The following MACIR variants were observed in gnomAD, a reference collection of about 807,000 sequenced individuals.
MACIR encodes the protein UNC119-binding protein C5orf30.
A neutral mutation model predicts 14.3 loss-of-function variants in MACIR; 4 were observed. That is an observed-to-expected ratio of 0.28 (90% CI 0.14 to 0.64). MACIR has a LOEUF of 0.64. MACIR is among the 30% of genes least tolerant of loss of function. The pLI is 0.83. For synonymous variants in MACIR, 101 were observed against 102.4 expected (o/e 0.99, Z 0.08); for missense variants, 228 against 257.6 (o/e 0.89, Z 0.79).
At chr5:103,273,133 T>C (rs2561476) in intron 2 of MACIR, among the ~76,000 whole-genome samples, 44,970 of 151,980 alleles carry the variant, frequency 0.3, 6,626 homozygotes, top group Non-Finnish European at 0.32. Context: ...ATGCTTATTC[T>C]TTCAACTTTC....
intron 2 of MACIR, among the ~76,000 whole-genome samples, chr5:103,272,363 C>CTTTTT (rs11450687): frequency 7.0e-6 from 1 of 142,866 alleles, no homozygotes; most frequent in Non-Finnish European, 1.5e-5. Flanking sequence ...TCTTTAGTGT[C>CTTTTT]TTTTTTTTTT....
chr5:103,268,784 AG>A (rs1805018713), intron 2 of MACIR, among the ~76,000 whole-genome samples: 1 of 152,034 alleles, frequency 6.6e-6, no homozygotes, highest in Non-Finnish European at 1.5e-5. Context: ...ACTTGGAGCC[AG>A]GGGGCCTGGG....
At chr5:103,265,553 T>C (rs1405480799) in intron 1 of MACIR, among the ~76,000 whole-genome samples, 6 of 152,174 alleles carry the variant, frequency 3.9e-5, no homozygotes, top group African/African-American at 1.4e-4. Flanking sequence ...TTATTTTTTT[T>C]CCATAGAGTA....
chr5:103,268,343 G>A (rs1805001685), intron 2 of MACIR, among the ~76,000 whole-genome samples: 1 of 152,122 alleles, frequency 6.6e-6, no homozygotes, highest in Non-Finnish European at 1.5e-5. Flanking sequence ...GAAGGAGCCC[G>A]ATTCTCATTC....
chr5:103,263,783 G>T (rs1248726374), intron 1 of MACIR, among the ~76,000 whole-genome samples: 1 of 152,118 alleles, frequency 6.6e-6, no homozygotes, highest in Non-Finnish European at 1.5e-5. Flanking sequence ...CTTTGTGATA[G>T]ATGTAGTCTT....
intron 1 of MACIR, among the ~76,000 whole-genome samples, chr5:103,262,545 A>G (rs1804765348): frequency 6.6e-6 from 1 of 152,222 alleles, no homozygotes; most frequent in Non-Finnish European, 1.5e-5. Context: ...GATAATAACT[A>G]TCACCTGAGA....
At chr5:103,274,193 C>T (rs73194349) in intron 2 of MACIR, among the ~76,000 whole-genome samples, 2,934 of 152,086 alleles carry the variant, frequency 0.019, 85 homozygotes, top group African/African-American at 0.068. Context: ...CATTCGACTC[C>T]GAGTAAATAT....
intron 1 of MACIR, among the ~76,000 whole-genome samples, chr5:103,265,307 G>A (rs923531983): frequency 1.3e-5 from 2 of 152,042 alleles, no homozygotes; most frequent in African/African-American, 2.4e-5. Context: ...ACAATGAGTC[G>A]ATACCAAAAA....
intron 1 of MACIR, among the ~76,000 whole-genome samples, chr5:103,260,617 A>T (rs1474694260): frequency 2.6e-5 from 4 of 152,214 alleles, no homozygotes; most frequent in African/African-American, 9.7e-5. Context: ...GTTAGTAATT[A>T]TTTCAGTGTA....
At chr5:103,262,121 T>A (rs1198619428) in intron 1 of MACIR, among the ~76,000 whole-genome samples, 2 of 152,200 alleles carry the variant, frequency 1.3e-5, no homozygotes, top group African/African-American at 4.8e-5. Flanking sequence ...GGGTTCCTAG[T>A]GCCATTCAGG....
At chr5:103,271,785 A>T (rs1489717597) in intron 2 of MACIR, among the ~76,000 whole-genome samples, 4 of 151,888 alleles carry the variant, frequency 2.6e-5, no homozygotes, top group Admixed American at 6.6e-5. Flanking sequence ...TTCTTGTTTC[A>T]TTTTCTGTTT....
At chr5:103,259,062 G>T (rs1170571117) in intron 1 of MACIR, 166 bp downstream of exon 1, 1 of 152,298 alleles carries the variant, frequency 6.6e-6, no homozygotes, top group Non-Finnish European at 1.5e-5. Context: ...TGGGCCGGGC[G>T]CACGATGCCC....
intron 2 of MACIR, among the ~76,000 whole-genome samples, chr5:103,273,393 T>G (rs1385653528): frequency 1.3e-5 from 2 of 152,198 alleles, no homozygotes; most frequent in African/African-American, 4.8e-5. Context: ...ACTTAACTGA[T>G]GAGTTACTTG....
In MACIR at chr5:103,277,555, C is replaced by T. The variant is rs1554237910; in HGVS notation, c.*1015C>T. The T allele has an allele frequency of 1.8e-5, 3 of 167,002 alleles. No homozygotes were observed. The highest frequency in any genetic ancestry group is 6.5e-5 in the Admixed American group (1 of 15,282). The allele number at this position is 167,002 out of a possible 1,614,324, so 10.3% of individuals were successfully genotyped here. A position where few individuals can be genotyped will look rare whatever the true frequency, so the allele number is the denominator to read the frequency against. On this transcript the variant is annotated 3_prime_UTR_variant, in exon 3 of 3. Transcript: ENST00000319933. ...CAGTTTTAGTTCTGTGTAACACAAG[C>T]ACTCACTGAAATTCCAGTTTCTAGG...
At chr5:103,267,622 C>T (rs1804973664) in intron 2 of MACIR, among the ~76,000 whole-genome samples, 1 of 152,132 alleles carries the variant, frequency 6.6e-6, no homozygotes, top group African/African-American at 2.4e-5. Context: ...TATTAAGATT[C>T]CTTTTGATTC....
chr5:103,258,785 C>G lies in MACIR; in HGVS notation c.-225C>G, dbSNP rs553548645. On this transcript the variant is annotated 5_prime_UTR_variant, in exon 1 of 3. Coordinates refer to ENST00000319933, the MANE Select transcript of MACIR (RefSeq NM_033211.4). The stretch of plus-strand genomic sequence containing the variant: ...GAGAGGAGAGGGTACCCGGCTGGCT[C>G]GGCTGGCGGCCTCTGCCTGGATCTC... 1 of 152,626 alleles carries G rather than the reference C, an allele frequency of 6.6e-6. No individual in the cohort carries two copies. Among genetic ancestry groups the G allele is most frequent in the Non-Finnish European group, 1.5e-5 (1 of 68,124 alleles). The allele number at this position is 152,626 out of a possible 1,614,324, so 9.5% of individuals were successfully genotyped here. A position where few individuals can be genotyped will look rare whatever the true frequency, so the allele number is the denominator to read the frequency against.
chr5:103,277,390 G>A lies in MACIR; in HGVS notation c.*850G>A, dbSNP rs1422072996. Reference sequence around the variant, plus strand: ...TAAATGGGAAAGGATTCTTTTAATTGTGGATTATAGGCATAATACTGTTTG... The same window carrying A: ...TAAATGGGAAAGGATTCTTTTAATTATGGATTATAGGCATAATACTGTTTG... On this transcript the variant is annotated 3_prime_UTR_variant, in exon 3 of 3. Coordinates refer to ENST00000319933, the MANE Select transcript of MACIR (RefSeq NM_033211.4). 6.0e-6 allele frequency: 1 copy of A among 166,950 alleles called. No individual in the cohort carries two copies. The highest frequency in any genetic ancestry group is 1.5e-5 in the Non-Finnish European group (1 of 68,076). 10.3% of individuals were successfully genotyped at this position (166,950 alleles called of 1,614,324 possible).
chr5:103,258,434 A>T (rs1287091558), upstream of MACIR, among the ~76,000 whole-genome samples: 1 of 152,142 alleles, frequency 6.6e-6, no homozygotes. Context: ...GAGTGTTCCC[A>T]GGTCCGCAAG....
At chr5:103,271,371 A>G (rs1805119241) in intron 2 of MACIR, among the ~76,000 whole-genome samples, 1 of 152,166 alleles carries the variant, frequency 6.6e-6, no homozygotes, top group African/African-American at 2.4e-5. Flanking sequence ...TGCAGATTCT[A>G]TAAGGGTTAC....
Sources: gnomAD v4.1 joint callset for allele counts (sites outside exome capture counted in the v4.1 genomes callset) on GRCh38, gnomAD v4.1.1 for gene constraint, MANE v1.5 for transcripts, NCBI Gene and HGNC (gene_info 2026-07-23, HGNC 2026-07-21) for gene names.